Variants in ABCA13 observed in about 807,000 individuals in gnomAD.
ABCA13 encodes ATP binding cassette subfamily A member 13.
In ABCA13, 476 loss-of-function variants were observed where a neutral mutation model predicts 478.7. The observed-to-expected ratio is 0.99, with a 90% CI of 0.92 to 1.07. The LOEUF (loss-of-function observed/expected upper bound fraction) is 1.07. Among genes scored for constraint, ABCA13 ranks in the 50% least tolerant of loss-of-function variants. The probability of loss-of-function intolerance (pLI) is 0.00; values close to 1 mark genes in which losing one functional copy is unlikely to be tolerated. For missense variants in ABCA13, 6,060 were observed against 5,910.6 expected (o/e 1.03, Z -0.83); for synonymous variants, 2,252 against 2,158.9 (o/e 1.04, Z -1.20).
At chr7:48,541,096 C>A (rs909767756) in intron 55 of ABCA13, among the ~76,000 whole-genome samples, 3 of 152,106 alleles carry the variant, frequency 2.0e-5, no homozygotes, top group Non-Finnish European at 4.4e-5. Context: ...CTAGCAGTCT[C>A]ATATCTGGAA....
In ABCA13 at chr7:48,281,359, G is replaced by A. The variant is rs367816785; in HGVS notation, c.8743G>A (p.Glu2915Lys). The change falls in exon 19 of 62, where the codon GAA becomes AAA. Residue 2915 changes from glutamate to lysine, a missense_variant. Physicochemically the swap from Glu to Lys is moderately conservative, Grantham distance 56. Around this residue, in one of 3 missense-constraint regions of ABCA13, gnomAD observed 4,423 missense variants for 4,309.1 expected, o/e 1.03. Transcript: ENST00000435803. Reference sequence around the variant, plus strand: ...TTTGCTAAGTGTTGTTGAGATTTGTGAAGTTTTCCAGCAGACTGTGAAGCC... The same window carrying A: ...TTTGCTAAGTGTTGTTGAGATTTGTAAAGTTTTCCAGCAGACTGTGAAGCC... ...LTDQSVVEICEVFQQTVKPSE... is the reference protein window; with the variant it reads ...LTDQSVVEICKVFQQTVKPSE... The A allele has an allele frequency of 1.9e-6, 3 of 1,605,808 alleles. No individual in the cohort carries two copies. In the African/African-American group the frequency reaches 4.0e-5, roughly 21 times the overall value.
At chr7:48,561,036 T>C (rs1248892528) in intron 55 of ABCA13, among the ~76,000 whole-genome samples, 1 of 152,210 alleles carries the variant, frequency 6.6e-6, no homozygotes, top group Non-Finnish European at 1.5e-5. Flanking sequence ...ACATAATTTC[T>C]TCCTTTTTAA....
At chr7:48,305,296 G>GCAAGGT (rs1225010023) in intron 23 of ABCA13, among the ~76,000 whole-genome samples, 2 of 152,180 alleles carry the variant, frequency 1.3e-5, no homozygotes, top group African/African-American at 4.8e-5. Flanking sequence ...GCCACAGTGT[G>GCAAGGT]GCTTCAGTCC....
intron 35 of ABCA13, among the ~76,000 whole-genome samples, chr7:48,381,280 G>A (rs542120238): frequency 2.6e-5 from 4 of 152,080 alleles, no homozygotes; most frequent in Non-Finnish European, 5.9e-5. Context: ...AGAGTCTCCT[G>A]TGGGTAGGAG....
intron 15 of ABCA13, among the ~76,000 whole-genome samples, chr7:48,255,245 A>G (rs1793203871): frequency 6.6e-6 from 1 of 152,182 alleles, no homozygotes; most frequent in Admixed American, 6.5e-5. Flanking sequence ...GTTGTGGTAA[A>G]GAGCTTGAAT....
At chr7:48,523,137 C>A (rs1247865160) in intron 53 of ABCA13, among the ~76,000 whole-genome samples, 2 of 152,198 alleles carry the variant, frequency 1.3e-5, no homozygotes, top group East Asian at 3.8e-4. Flanking sequence ...CCCTAGGTAA[C>A]TGCAATCCTT....
At chr7:48,405,041 G>A (rs1022127650) in intron 39 of ABCA13, among the ~76,000 whole-genome samples, 5 of 152,230 alleles carry the variant, frequency 3.3e-5, no homozygotes, top group African/African-American at 1.2e-4. Flanking sequence ...CGGAGTTCAC[G>A]AGGCTCAGCA....
intron 3 of ABCA13, among the ~76,000 whole-genome samples, chr7:48,217,046 C>G (rs1040767865): frequency 2.0e-5 from 3 of 152,152 alleles, no homozygotes; most frequent in African/African-American, 7.2e-5. Flanking sequence ...TCTCAAAGAA[C>G]TAAGAATAGA....
rs1457235894 is a variant in ABCA13 at position 48,245,880 on chromosome 7, T to G, written c.1509T>G (p.Ala503=). 3.7e-5 allele frequency: 59 copies of G among 1,612,974 alleles called. No individual in the cohort carries two copies. Among genetic ancestry groups the G allele is most frequent in the Non-Finnish European group, 4.8e-5 (57 of 1,179,516 alleles). The change falls in exon 13 of 62, where the codon GCT becomes GCG. Residue 503 remains alanine, a synonymous_variant. Transcript: ENST00000435803. ...TCTTTTAGATGTTGGCGAAGAATGCTGTCTGCCCGAATGGTCGTTTCTCTG... is the reference window on the plus strand; with the variant it reads ...TCTTTTAGATGTTGGCGAAGAATGCGGTCTGCCCGAATGGTCGTTTCTCTG... The part of the protein sequence containing the change: ...WELKQMLAKN[A]VCPNGRFSEK...
chr7:48,310,134 T>C lies in ABCA13; in HGVS notation c.9509T>C (p.Ile3170Thr), dbSNP rs1166164261. Residue 3170 changes from isoleucine (I) to threonine (T), a missense_variant, in exon 24 of 62, where the codon ATT becomes ACT. Physicochemically the swap from Ile to Thr is moderately conservative, Grantham distance 89 (BLOSUM62 -1). This residue lies in a region of ABCA13 where 4,423 missense variants were observed against 4,309.1 expected (regional missense o/e 1.03). Coordinates refer to ENST00000435803, the MANE Select transcript of ABCA13 (RefSeq NM_152701.5). ...LSRNLDVRAF[I>T]YKTLMPSEAN... ...CGAAACTTGGATGTGCGAGCTTTCA[T>C]TTACAAGGTATGGAGAGCATGCTGG... The C allele has an allele frequency of 1.9e-6, 3 of 1,608,072 alleles. No individual in the cohort carries two copies. In the South Asian group the frequency reaches 3.3e-5, roughly 18 times the overall value.
At chr7:48,454,608 T>G (rs1585393189) in intron 42 of ABCA13, among the ~76,000 whole-genome samples, 1 of 151,326 alleles carries the variant, frequency 6.6e-6, no homozygotes, top group African/African-American at 2.4e-5. Context: ...GCAGGGACGG[T>G]GGAACTGAGG....
At chr7:48,194,267 T>C (rs999477019) in intron 2 of ABCA13, among the ~76,000 whole-genome samples, 27 of 152,148 alleles carry the variant, frequency 1.8e-4, no homozygotes, top group African/African-American at 6.3e-4. Flanking sequence ...GTGATGATGT[T>C]GATGATAATG....
chr7:48,580,542 A>G (rs1241877757), intron 56 of ABCA13, among the ~76,000 whole-genome samples, 168 bp downstream of exon 56: 1 of 152,160 alleles, frequency 6.6e-6, no homozygotes, highest in Non-Finnish European at 1.5e-5. Context: ...GAAAACATTA[A>G]ATATATTTCC....
At chr7:48,472,127 A>T (rs558235794) in intron 45 of ABCA13, among the ~76,000 whole-genome samples, 2 of 152,310 alleles carry the variant, frequency 1.3e-5, no homozygotes, top group Non-Finnish European at 2.9e-5. Flanking sequence ...AACTGATTGG[A>T]ACTCATCTCA....
chr7:48,343,455 G>A (rs1807557007), intron 29 of ABCA13, among the ~76,000 whole-genome samples: 1 of 152,126 alleles, frequency 6.6e-6, no homozygotes, highest in African/African-American at 2.4e-5. Flanking sequence ...AAAGTCCCGT[G>A]GACCACTGGA....
chr7:48,260,506 A>G (rs1195971655), intron 15 of ABCA13, among the ~76,000 whole-genome samples: 2 of 152,082 alleles, frequency 1.3e-5, no homozygotes, highest in Middle Eastern at 3.4e-3. Context: ...TGCTATGTCT[A>G]TGTTAATAGT....
At chr7:48,624,092 G>A (rs1793431177) in intron 59 of ABCA13, among the ~76,000 whole-genome samples, 1 of 151,900 alleles carries the variant, frequency 6.6e-6, no homozygotes, top group Admixed American at 6.6e-5. Flanking sequence ...GTGTGTGTGT[G>A]TGTGTGTGGC....
intron 55 of ABCA13, among the ~76,000 whole-genome samples, chr7:48,548,030 G>A (rs1200832355): frequency 6.6e-6 from 1 of 151,868 alleles, no homozygotes; most frequent in East Asian, 1.9e-4. Flanking sequence ...TGTCATCCAC[G>A]ATGTCTTTTG....
At chr7:48,453,823 G>T (rs936187847) in intron 42 of ABCA13, among the ~76,000 whole-genome samples, 1 of 152,092 alleles carries the variant, frequency 6.6e-6, no homozygotes, top group Non-Finnish European at 1.5e-5. Context: ...ATCTCAACCC[G>T]TATGTTGGGG....
Sources: gnomAD v4.1 joint callset for allele counts (sites outside exome capture counted in the v4.1 genomes callset) on GRCh38, gnomAD v4.1.1 for gene constraint, gnomAD v4.1.1 regional missense constraint, MANE v1.5 for transcripts, NCBI Gene and HGNC (gene_info 2026-07-23, HGNC 2026-07-21) for gene names.